Variants in GRB10 observed in about 807,000 individuals in gnomAD.
The protein encoded by GRB10 is growth factor receptor bound protein 10.
Under a neutral mutation model 80.9 loss-of-function variants are expected in GRB10, and 20 were observed. The ratio of observed to expected loss-of-function variants is 0.25; its 90% CI spans 0.17 to 0.36. The LOEUF is 0.36. Among genes scored for constraint, GRB10 ranks in the 10% least tolerant of loss-of-function variants. GRB10 has a pLI of 1.00. For synonymous variants in GRB10, 291 were observed against 291.5 expected, an observed-to-expected ratio of 1.00 and a Z score of 0.02; for missense variants, 548 against 747.7, an observed-to-expected ratio of 0.73 and a Z score of 3.12.
intron 5 of GRB10, among the ~76,000 whole-genome samples, chr7:50,693,042 G>A (rs1271486370): frequency 1.3e-5 from 2 of 152,114 alleles, no homozygotes; most frequent in African/African-American, 4.8e-5. Context: ...CATTATTTTT[G>A]CCAATAATTA....
chr7:50,718,499 G>T, intron 4 of GRB10, among the ~76,000 whole-genome samples: 1 of 152,020 alleles, frequency 6.6e-6, no homozygotes, highest in East Asian at 1.9e-4. Flanking sequence ...GCTCACTGCT[G>T]CTTCCTGAGC....
At chr7:50,723,258 G>A (rs535784276) in intron 4 of GRB10, among the ~76,000 whole-genome samples, 2 of 152,218 alleles carry the variant, frequency 1.3e-5, no homozygotes, top group African/African-American at 4.8e-5. Context: ...AGACAGAGGG[G>A]TCAGGTGTTT....
chr7:50,647,820 T>C (rs2153613909), intron 7 of GRB10, among the ~76,000 whole-genome samples: 1 of 152,170 alleles, frequency 6.6e-6, no homozygotes, highest in African/African-American at 2.4e-5. Flanking sequence ...GCTGTCCAAT[T>C]CTGGTACACA....
chr7:50,619,238 T>C lies in GRB10; in HGVS notation c.709A>G (p.Met237Val). Residue 237 changes from methionine to valine, a missense_variant, in exon 9 of 19, where the codon ATG (methionine) becomes GTG (valine). Transcript: ENST00000401949. The part of the protein sequence containing the change: ...HELVVQVEST[M>V]ASESKFLFRK... ...AATAGAAATTTACTCTCACTGGCCA[T>C]GGTACTCTCCACCTGGACCACCAGC... 1.9e-6 allele frequency: 3 copies of C among 1,611,822 alleles called. No homozygotes were observed. Among genetic ancestry groups the C allele is most frequent in the Non-Finnish European group, 2.5e-6 (3 of 1,178,146 alleles).
chr7:50,656,927 G>T (rs2058710056), intron 7 of GRB10, among the ~76,000 whole-genome samples: 3 of 152,208 alleles, frequency 2.0e-5, no homozygotes, highest in Admixed American at 6.5e-5. Context: ...CCTGGGGAAA[G>T]GATTCAAAAT....
intron 3 of GRB10, among the ~76,000 whole-genome samples, chr7:50,740,904 T>C (rs117342795): frequency 0.018 from 2,684 of 150,350 alleles, 43 homozygotes; most frequent in East Asian, 0.049. Flanking sequence ...AATGGACAGA[T>C]ATAAAAACCA....
At position 50,619,171 on chromosome 7, in the gene GRB10, A is replaced by T; in HGVS notation, c.776T>A (p.Met259Lys). 3 of 1,565,346 alleles carry T rather than the reference A, an allele frequency of 1.9e-6. No homozygotes were observed. Among genetic ancestry groups the T allele is most frequent in the Non-Finnish European group, 2.6e-6 (3 of 1,135,432 alleles). The change falls in exon 9 of 19, where the codon ATG becomes AAG. Residue 259 changes from methionine to lysine, a missense_variant and splice_region_variant. Coordinates refer to ENST00000401949, the MANE Select transcript of GRB10 (RefSeq NM_001350814.2). ...YAKYEFFKNP[M>K]NFFPEQMVTW... ...CAAACCTGAAGAGGTAAGACTCACC[A>T]TGGGATTTTTAAAGAACTCGTATTT...
intron 7 of GRB10, 68 bp downstream of exon 7, chr7:50,669,654 C>T: frequency 1.4e-6 from 2 of 1,441,000 alleles, no homozygotes; most frequent in Non-Finnish European, 9.7e-7. Flanking sequence ...AATAATCTGG[C>T]ACATCTGTGC....
At chr7:50,769,358 G>A (rs1343201838) in intron 2 of GRB10, among the ~76,000 whole-genome samples, 1 of 152,204 alleles carries the variant, frequency 6.6e-6, no homozygotes, top group Admixed American at 6.5e-5. Flanking sequence ...CCACACAGGA[G>A]GTCGGGCTTC....
intron 6 of GRB10, among the ~76,000 whole-genome samples, chr7:50,672,352 C>A (rs566863662): frequency 5.9e-5 from 9 of 152,338 alleles, no homozygotes; most frequent in Admixed American, 4.6e-4. Context: ...CCCACACTGC[C>A]TCCCTCCGAG....
chr7:50,602,893 T>C (rs1029086709), intron 17 of GRB10, among the ~76,000 whole-genome samples: 2 of 151,900 alleles, frequency 1.3e-5, no homozygotes, highest in East Asian at 3.9e-4. Context: ...GAAATTTCCT[T>C]TAAAATAGAA....
At chr7:50,668,042 C>T (rs1445005684) in intron 7 of GRB10, among the ~76,000 whole-genome samples, 4 of 152,240 alleles carry the variant, frequency 2.6e-5, no homozygotes, top group African/African-American at 9.6e-5. Context: ...GCGAGGTAGA[C>T]ATCCCAGATG....
At chr7:50,645,921 C>T (rs1466312676) in intron 7 of GRB10, among the ~76,000 whole-genome samples, 2 of 152,278 alleles carry the variant, frequency 1.3e-5, no homozygotes, top group Admixed American at 6.5e-5. Context: ...AGTCATATGC[C>T]TTCCCATCGT....
chr7:50,635,510 A>G (rs2054794117), intron 7 of GRB10, among the ~76,000 whole-genome samples: 1 of 152,104 alleles, frequency 6.6e-6, no homozygotes, highest in South Asian at 2.1e-4. Flanking sequence ...AGAAGAAATG[A>G]AATAAAGATC....
chr7:50,677,073 C>T (rs1446340863), intron 5 of GRB10, among the ~76,000 whole-genome samples: 3 of 152,024 alleles, frequency 2.0e-5, no homozygotes, highest in Non-Finnish European at 4.4e-5. Context: ...CAGATGGATC[C>T]GAAGATGCGG....
At chr7:50,679,968 T>G (rs1000006449) in intron 5 of GRB10, among the ~76,000 whole-genome samples, 2 of 152,380 alleles carry the variant, frequency 1.3e-5, no homozygotes, top group African/African-American at 2.4e-5. Flanking sequence ...TCTTCTATTC[T>G]CATGTATTCT....
intron 7 of GRB10, among the ~76,000 whole-genome samples, chr7:50,662,710 G>T (rs1586561045): frequency 6.6e-6 from 1 of 152,344 alleles, no homozygotes; most frequent in African/African-American, 2.4e-5. Flanking sequence ...CTCCCTTGCA[G>T]CATGTGGAAG....
rs757674242 is a variant in GRB10 at position 50,674,591 on chromosome 7, G to A, written c.207C>T (p.Ala69=). The A allele has an allele frequency of 6.2e-6, 10 of 1,613,438 alleles. No individual in the cohort carries two copies. The highest frequency in any genetic ancestry group is 1.3e-5 in the African/African-American group (1 of 74,934). The part of the protein sequence containing the change: ...MNASLESLYS[A]CSMQSDTVPL... ...GCACCGTGTCTGACTGCATGCTGCA[G>A]GCCGAGTACAGGCTCTCCAGGGATG... The change falls in exon 6 of 19, where the codon GCC becomes GCT. Residue 69 remains alanine, a synonymous_variant. Transcript: ENST00000401949.
At chr7:50,711,199 T>A (rs1587287416) in intron 4 of GRB10, among the ~76,000 whole-genome samples, 1 of 146,110 alleles carries the variant, frequency 6.8e-6, no homozygotes, top group Non-Finnish European at 1.5e-5. Flanking sequence ...AAGCAACAGA[T>A]GAGAACAGTG....
Sources: gnomAD v4.1 joint callset for allele counts (sites outside exome capture counted in the v4.1 genomes callset) on GRCh38, gnomAD v4.1.1 for gene constraint, MANE v1.5 for transcripts, NCBI Gene and HGNC (gene_info 2026-07-23, HGNC 2026-07-21) for gene names.